The following TRPS1 variants were observed in gnomAD, a reference collection of about 807,000 sequenced individuals.
TRPS1 encodes zinc finger transcription factor Trps1.
Under a neutral mutation model 101.2 loss-of-function variants are expected in TRPS1, and 6 were observed. That is an observed-to-expected ratio of 0.06 (90% CI 0.03 to 0.12). The LOEUF is 0.12. Ranked by LOEUF, TRPS1 falls within the 10% of genes least tolerant of loss-of-function variation. The pLI is 1.00. For synonymous variants in TRPS1, 578 were observed against 589.8 expected (o/e 0.98, Z 0.29); for missense variants, 1,363 against 1,567.0 (o/e 0.87, Z 2.20).
At chr8:115,425,842 A>G (rs1813174058) in intron 5 of TRPS1, among the ~76,000 whole-genome samples, 1 of 152,228 alleles carries the variant, frequency 6.6e-6, no homozygotes, top group Admixed American at 6.5e-5. Flanking sequence ...TTGGTAAAGG[A>G]GCAAACCAAA....
At chr8:115,630,254 A>G (rs933170007) in intron 1 of TRPS1, among the ~76,000 whole-genome samples, 1 of 151,956 alleles carries the variant, frequency 6.6e-6, no homozygotes, top group African/African-American at 2.4e-5. Flanking sequence ...CAGGAGTAAG[A>G]CTACAGAATT....
chr8:115,498,658 G>T lies in TRPS1; in HGVS notation c.2701-80206C>A, dbSNP rs541992367. Among the ~76,000 whole-genome samples the T allele has an allele frequency of 5.7e-4, 87 of 151,788 alleles. 1 individual carries two copies. The South Asian group carries it at 0.017, about 30-fold the overall frequency. On this transcript the variant is annotated intron_variant, in intron 5 of 6. Coordinates refer to ENST00000395715, the MANE Select transcript of TRPS1 (RefSeq NM_014112.5). Reference sequence around the variant, plus strand: ...TGTAGCTACAAAATTTAATGTATTTGAAAGAAAAAGTTAGTGTCACACAAA... The same window carrying T: ...TGTAGCTACAAAATTTAATGTATTTTAAAGAAAAAGTTAGTGTCACACAAA...
At position 115,508,416 on chromosome 8, in the gene TRPS1, C is replaced by T. The variant is rs746528974; in HGVS notation, c.2700+78585G>A. ...CTCTACATTTCCTGTCAAATATTGT[C>T]GTAGTACTGTCCTCAGCCGAGGAAA... On this transcript the variant is annotated intron_variant, in intron 5 of 6. Coordinates refer to ENST00000395715, the MANE Select transcript of TRPS1 (RefSeq NM_014112.5). Among the ~76,000 whole-genome samples, 8 of 152,146 alleles carry T rather than the reference C, an allele frequency of 5.3e-5. No homozygotes were observed. The East Asian group carries it at 5.8e-4, about 11-fold the overall frequency.
chr8:115,538,497 T>C (rs923094774), intron 5 of TRPS1, among the ~76,000 whole-genome samples: 3 of 152,122 alleles, frequency 2.0e-5, no homozygotes, highest in East Asian at 1.9e-4. Context: ...TTTTGCCTTA[T>C]ATATGAAAGC....
chr8:115,623,716 G>T lies in TRPS1; in HGVS notation c.-79C>A. The T allele has an allele frequency of 6.4e-7, 1 of 1,569,824 alleles. No homozygotes were observed. On this transcript the variant is annotated 5_prime_UTR_variant, in exon 2 of 7. Transcript: ENST00000395715. ...GGCTAATGCAATTGTCTTAGAAGAC[G>T]CTCAGAAGACACAGAAGACATTTTG...
intron 5 of TRPS1, among the ~76,000 whole-genome samples, chr8:115,537,497 A>G (rs1300516548): frequency 6.6e-6 from 1 of 152,180 alleles, no homozygotes; most frequent in East Asian, 1.9e-4. Context: ...GAGAATCCAG[A>G]CAACTTCTGC....
intron 5 of TRPS1, among the ~76,000 whole-genome samples, chr8:115,421,470 G>A (rs1813052976): frequency 6.6e-6 from 1 of 152,262 alleles, no homozygotes; most frequent in South Asian, 2.1e-4. Flanking sequence ...CATATGGTTG[G>A]ATATTGTTCA....
At chr8:115,523,735 T>C (rs1224331190) in intron 5 of TRPS1, among the ~76,000 whole-genome samples, 1 of 152,106 alleles carries the variant, frequency 6.6e-6, no homozygotes, top group East Asian at 1.9e-4. Flanking sequence ...ATGATAACAA[T>C]ATCCGTTGAT....
chr8:115,599,497 G>A (rs1160211539), intron 4 of TRPS1, among the ~76,000 whole-genome samples: 1 of 151,782 alleles, frequency 6.6e-6, no homozygotes. Flanking sequence ...CCTTGCCCCC[G>A]ACTCTCCAAC....
chr8:115,533,181 C>T (rs928008622), intron 5 of TRPS1, among the ~76,000 whole-genome samples: 1 of 152,062 alleles, frequency 6.6e-6, no homozygotes, highest in African/African-American at 2.4e-5. Context: ...CTTTTAATGG[C>T]TCAAAAACAG....
At chr8:115,653,181 T>C (rs1811602142) in intron 1 of TRPS1, among the ~76,000 whole-genome samples, 1 of 152,116 alleles carries the variant, frequency 6.6e-6, no homozygotes, top group East Asian at 1.9e-4. Flanking sequence ...AGGGGGAGAA[T>C]TATGTAAAAA....
In TRPS1 at chr8:115,430,543, A is replaced by C. The variant is rs139816323; in HGVS notation, c.2701-12091T>G. Reference sequence around the variant, plus strand: ...GACAGCCATTGTTACAGAAACTAGAACTTAGATTGAAAACAGTTTCACTTT... The same window carrying C: ...GACAGCCATTGTTACAGAAACTAGACCTTAGATTGAAAACAGTTTCACTTT... On this transcript the variant is annotated intron_variant, in intron 5 of 6. Coordinates refer to ENST00000395715, the MANE Select transcript of TRPS1 (RefSeq NM_014112.5). Among the ~76,000 whole-genome samples, 669 of 152,224 alleles carry C rather than the reference A, an allele frequency of 4.4e-3. 5 individuals carry two copies. Among genetic ancestry groups the C allele is most frequent in the Non-Finnish European group, 6.4e-3 (433 of 67,976 alleles).
chr8:115,637,209 G>T, intron 1 of TRPS1: 1 of 962,650 alleles, frequency 1.0e-6, no homozygotes, highest in Non-Finnish European at 1.2e-6. Context: ...CAGAGAAGAA[G>T]CTAGGTTTAA....
intron 5 of TRPS1, among the ~76,000 whole-genome samples, chr8:115,539,262 A>G (rs1816395262): frequency 6.6e-6 from 1 of 152,226 alleles, no homozygotes; most frequent in South Asian, 2.1e-4. Context: ...GGTAGCAACA[A>G]GGGTTTCAAA....
At chr8:115,665,217 G>A (rs547244790) in intron 1 of TRPS1, among the ~76,000 whole-genome samples, 2 of 152,248 alleles carry the variant, frequency 1.3e-5, no homozygotes, top group East Asian at 3.9e-4. Flanking sequence ...TTTGCTGCAA[G>A]TCCTCTGGAA....
In TRPS1 at chr8:115,587,596, T is replaced by C. The variant is rs773593608; in HGVS notation, c.2105A>G (p.His702Arg). ...EEISRHYRRA[H>R]SCYKCRQCSF... is the part of the protein sequence containing the mutation. ...GCACTGACGGCATTTGTAGCAGCTG[T>C]GTGCTCTCCTGGAGAAGAAGAAAAC... The change falls in exon 5 of 7, where the codon CAC (histidine) becomes CGC (arginine). Residue 702 changes from histidine to arginine, a missense_variant. Transcript: ENST00000395715. The C allele has an allele frequency of 5.6e-6, 9 of 1,614,004 alleles. No homozygotes were observed. Among genetic ancestry groups the C allele is most frequent in the Non-Finnish European group, 5.1e-6 (6 of 1,180,018 alleles).
intron 1 of TRPS1, among the ~76,000 whole-genome samples, chr8:115,642,356 T>C (rs1029380105): frequency 9.9e-5 from 15 of 151,956 alleles, no homozygotes; most frequent in African/African-American, 3.4e-4. Context: ...GACTCCTTTA[T>C]TGCTGAGCAA....
chr8:115,555,596 G>T (rs79560138), intron 5 of TRPS1, among the ~76,000 whole-genome samples: 4,470 of 152,000 alleles, frequency 0.029, 207 homozygotes, highest in African/African-American at 0.1. Context: ...GGAGGATAAT[G>T]ACATCAGTAT....
intron 5 of TRPS1, among the ~76,000 whole-genome samples, chr8:115,503,386 TAAAAAG>T (rs1037157359): frequency 6.6e-6 from 1 of 151,844 alleles, no homozygotes; most frequent in African/African-American, 2.4e-5. Context: ...TTACCAATAG[TAAAAAG>T]AAAAAGTTTA....
Sources: gnomAD v4.1 joint callset for allele counts (sites outside exome capture counted in the v4.1 genomes callset) on GRCh38, gnomAD v4.1.1 for gene constraint, MANE v1.5 for transcripts, NCBI Gene and HGNC (gene_info 2026-07-23, HGNC 2026-07-21) for gene names.